CCBE1: variants seen among roughly 807,000 people sequenced by gnomAD.
CCBE1 encodes the protein collagen and calcium binding EGF domains 1.
Under a neutral mutation model 50.0 loss-of-function variants are expected in CCBE1, and 37 were observed. That is an observed-to-expected ratio of 0.74 (90% CI 0.57 to 0.97). The LOEUF (loss-of-function observed/expected upper bound fraction) is 0.97, where lower values mean the gene tolerates loss of function less well. Ranked by LOEUF, CCBE1 falls within the 50% of genes least tolerant of loss-of-function variation. The pLI is 0.00. For synonymous variants in CCBE1, 234 were observed against 203.7 expected (o/e 1.15, Z -1.27); for missense variants, 538 against 523.8 (o/e 1.03, Z -0.26).
rs182664194 is a variant in CCBE1 at position 59,615,925 on chromosome 18, C to A, written c.212+80704G>T. ...CTTACCAAGGGGACTATTATTAAAC[C>A]TAGGTTACTTTAAAAAATCCTACTA... is the stretch of plus-strand genomic sequence containing the variant. On this transcript the variant is annotated intron_variant, in intron 2 of 10. Transcript: ENST00000439986. Among the ~76,000 whole-genome samples the A allele has an allele frequency of 2.6e-5, 4 of 152,286 alleles. No homozygotes were observed. The East Asian group carries it at 5.8e-4, about 22-fold the overall frequency.
At chr18:59,546,030 G>C (rs1381838505) in intron 2 of CCBE1, among the ~76,000 whole-genome samples, 5 of 152,152 alleles carry the variant, frequency 3.3e-5, no homozygotes, top group African/African-American at 4.8e-5. Flanking sequence ...TGTAGAAGTG[G>C]AATTGGCCCA....
chr18:59,683,180 A>G (rs1165143131), intron 2 of CCBE1, among the ~76,000 whole-genome samples: 3 of 152,042 alleles, frequency 2.0e-5, no homozygotes, highest in African/African-American at 7.2e-5. Flanking sequence ...TGTGAGTGAA[A>G]CTCTCACCTG....
chr18:59,697,423 C>A lies in CCBE1; in HGVS notation c.-81G>T, dbSNP rs927627773. On this transcript the variant is annotated 5_prime_UTR_variant, in exon 1 of 11. Coordinates refer to ENST00000439986, the MANE Select transcript of CCBE1 (RefSeq NM_133459.4). Reference sequence around the variant, plus strand: ...GCTCCTCCGCGGCCGCCGCCGCCTTCCCTCTTCCCGGCAGGGGGCGCCGGA... The same window carrying A: ...GCTCCTCCGCGGCCGCCGCCGCCTTACCTCTTCCCGGCAGGGGGCGCCGGA... 5 of 1,499,194 alleles carry A rather than the reference C, an allele frequency of 3.3e-6. No homozygotes were observed. The highest frequency in any genetic ancestry group is 4.4e-6 in the Non-Finnish European group (5 of 1,126,402). The allele number at this position is 1,499,194 out of a possible 1,614,324, so 92.9% of individuals were successfully genotyped here. A position where few individuals can be genotyped will look rare whatever the true frequency, so the allele number is the denominator to read the frequency against.
At chr18:59,503,002 T>C (rs1238690881) in intron 2 of CCBE1, among the ~76,000 whole-genome samples, 2 of 152,242 alleles carry the variant, frequency 1.3e-5, no homozygotes, top group Non-Finnish European at 2.9e-5. Context: ...GGCTGTCTCC[T>C]ATTCAAAGAC....
intron 2 of CCBE1, among the ~76,000 whole-genome samples, chr18:59,546,119 C>T (rs915893592): frequency 1.5e-4 from 23 of 152,190 alleles, no homozygotes; most frequent in African/African-American, 5.5e-4. Context: ...AAACGTATGA[C>T]ATTCTTCTAT....
At chr18:59,543,848 A>AAAAAAG (rs1555690364) in intron 2 of CCBE1, among the ~76,000 whole-genome samples, 39 of 134,252 alleles carry the variant, frequency 2.9e-4, no homozygotes, top group African/African-American at 1.1e-3. Flanking sequence ...AAAAAAAAAA[A>AAAAAAG]AAAAAAAAAA....
At position 59,433,827 on chromosome 18, in the gene CCBE1, CG is replaced by C. The variant is rs1177062686; in HGVS notation, c.*2080del. The C allele has an allele frequency of 1.4e-5, 2 of 145,744 alleles. No individual in the cohort carries two copies. The highest frequency in any genetic ancestry group is 2.6e-5 in the African/African-American group (1 of 39,086). The allele number at this position is 145,744 out of a possible 1,614,324, so 9.0% of individuals were successfully genotyped here. A position where few individuals can be genotyped will look rare whatever the true frequency, so the allele number is the denominator to read the frequency against. On this transcript the variant is annotated 3_prime_UTR_variant, in exon 11 of 11. Transcript: ENST00000439986. ...CACTGTGGTCTCGATCTCCTGACCT[CG>C]TGATCCGCCCGCCTCGGCCTCCCAA... is the stretch of plus-strand genomic sequence containing the variant.
intron 2 of CCBE1, among the ~76,000 whole-genome samples, chr18:59,634,685 A>G (rs1452229599): frequency 6.6e-6 from 1 of 152,252 alleles, no homozygotes; most frequent in Non-Finnish European, 1.5e-5. Context: ...TAGAAATATC[A>G]TTTATTTAAA....
At chr18:59,491,823 C>T (rs1011885422) in intron 2 of CCBE1, among the ~76,000 whole-genome samples, 130 of 104,542 alleles carry the variant, frequency 1.2e-3, no homozygotes, top group Admixed American at 2.4e-3. Flanking sequence ...TCCAAACAAA[C>T]AAACAAACAA....
intron 3 of CCBE1, among the ~76,000 whole-genome samples, chr18:59,477,538 CTG>C (rs55840819): frequency 0.43 from 63,994 of 149,792 alleles, 13,748 homozygotes; most frequent in African/African-American, 0.48. Flanking sequence ...TTCCATGTCT[CTG>C]TGTGTGTGTG....
At chr18:59,650,580 T>C (rs758165550) in intron 2 of CCBE1, among the ~76,000 whole-genome samples, 2 of 151,698 alleles carry the variant, frequency 1.3e-5, no homozygotes, top group Non-Finnish European at 2.9e-5. Context: ...TCTGAAGTTA[T>C]TATCCCAGCC....
intron 2 of CCBE1, among the ~76,000 whole-genome samples, chr18:59,636,457 TTCTC>T (rs767545414): frequency 5.9e-5 from 9 of 152,294 alleles, no homozygotes; most frequent in Admixed American, 2.0e-4. Context: ...AGTTCAGAAA[TTCTC>T]TCTAACAACT....
chr18:59,502,862 G>A (rs562489480), intron 2 of CCBE1, among the ~76,000 whole-genome samples: 32 of 152,284 alleles, frequency 2.1e-4, no homozygotes, highest in African/African-American at 7.7e-4. Flanking sequence ...GAGGCCTGCT[G>A]CAACCCTTCT....
chr18:59,476,667 C>A (rs1412594608), intron 3 of CCBE1, among the ~76,000 whole-genome samples: 1 of 152,228 alleles, frequency 6.6e-6, no homozygotes, highest in Non-Finnish European at 1.5e-5. Flanking sequence ...GCAGCAAATA[C>A]GAGGCAGCAA....
chr18:59,480,062 C>T, intron 3 of CCBE1, 124 bp downstream of exon 3: 2 of 714,748 alleles, frequency 2.8e-6, no homozygotes, highest in Non-Finnish European at 2.4e-6. Flanking sequence ...AAAAAATATA[C>T]ACAGACAGAT....
intron 2 of CCBE1, among the ~76,000 whole-genome samples, chr18:59,510,772 A>T (rs1914098111): frequency 2.0e-5 from 3 of 152,192 alleles, no homozygotes; most frequent in Non-Finnish European, 4.4e-5. Context: ...AAATTCTTCC[A>T]TATTGATTAA....
At chr18:59,527,153 C>G (rs1301276189) in intron 2 of CCBE1, among the ~76,000 whole-genome samples, 2 of 152,286 alleles carry the variant, frequency 1.3e-5, no homozygotes, top group South Asian at 2.1e-4. Flanking sequence ...TTGTAGTTCT[C>G]TAAGAACTTG....
intron 2 of CCBE1, among the ~76,000 whole-genome samples, chr18:59,527,825 G>A (rs778177851): frequency 3.0e-4 from 45 of 152,218 alleles, no homozygotes; most frequent in Non-Finnish European, 5.9e-4. Flanking sequence ...CTTCTGGCTT[G>A]TAGGGTTTCT....
intron 2 of CCBE1, among the ~76,000 whole-genome samples, chr18:59,626,218 G>A (rs2053782730): frequency 6.6e-6 from 1 of 152,170 alleles, no homozygotes; most frequent in Non-Finnish European, 1.5e-5. Context: ...AATTGGTTTT[G>A]TAAATAAAGT....
Sources: allele counts gnomAD v4.1 joint callset (sites outside exome capture counted in the v4.1 genomes callset), GRCh38; gene constraint gnomAD v4.1.1; transcripts MANE v1.5; gene names NCBI Gene and HGNC (gene_info 2026-07-23, HGNC 2026-07-21).